DAPK1: variants seen among roughly 807,000 people sequenced by gnomAD.
DAPK1 encodes death-associated protein kinase 1.
DAPK1 carries 56 observed loss-of-function variants against 144.9 expected under a neutral mutation model. The ratio of observed to expected loss-of-function variants is 0.39; its 90% CI spans 0.31 to 0.48. The LOEUF is 0.48. DAPK1 is among the 20% of genes least tolerant of loss of function. The probability of loss-of-function intolerance (pLI) is 0.95; values close to 1 mark genes in which losing one functional copy is unlikely to be tolerated. For synonymous variants in DAPK1, 690 were observed against 749.0 expected, an observed-to-expected ratio of 0.92 and a Z score of 1.29; for missense variants, 1,454 against 1,875.4, an observed-to-expected ratio of 0.78 and a Z score of 4.15.
At chr9:87,571,290 A>G (rs3128519) in intron 2 of DAPK1, among the ~76,000 whole-genome samples, 77,788 of 151,608 alleles carry the variant, frequency 0.51, 20,435 homozygotes, top group Admixed American at 0.56. Context: ...TGGAGCAAGT[A>G]TCTGAACTGT....
chr9:87,623,967 G>T (rs1023826680), intron 3 of DAPK1, among the ~76,000 whole-genome samples: 1 of 152,056 alleles, frequency 6.6e-6, no homozygotes, highest in Non-Finnish European at 1.5e-5. Flanking sequence ...TTTATATGCC[G>T]GGTGTATTAT....
intron 2 of DAPK1, among the ~76,000 whole-genome samples, chr9:87,602,880 C>T (rs1828575555): frequency 1.3e-5 from 2 of 151,988 alleles, no homozygotes; most frequent in South Asian, 2.1e-4. Flanking sequence ...GATCCACCCA[C>T]CTCGGCCTCC....
chr9:87,654,935 A>G (rs1364688224), intron 17 of DAPK1, among the ~76,000 whole-genome samples: 1 of 152,200 alleles, frequency 6.6e-6, no homozygotes, highest in African/African-American at 2.4e-5. Flanking sequence ...AATCCACAAG[A>G]CAGTCCCAGA....
chr9:87,646,071 C>T (rs890428637), intron 12 of DAPK1, 57 bp downstream of exon 12: 98 of 1,579,512 alleles, frequency 6.2e-5, no homozygotes, highest in Admixed American at 8.8e-5. Context: ...CTTGCCCTTC[C>T]ATATCCAAGG....
chr9:87,687,497 T>A (rs1446316789), intron 21 of DAPK1, among the ~76,000 whole-genome samples: 1 of 152,234 alleles, frequency 6.6e-6, no homozygotes, highest in Non-Finnish European at 1.5e-5. Context: ...GCATAAATAG[T>A]GTTCTGTTAT....
rs1276684008 is a variant in DAPK1, at chr9:87,681,412, C to T, written c.2010C>T (p.His670=). The change falls in exon 20 of 26, where the codon CAC becomes CAT. Residue 670 remains histidine, a synonymous_variant. Coordinates refer to ENST00000408954, the MANE Select transcript of DAPK1 (RefSeq NM_004938.4). ...TTCTCATCCATGCTCAGGATACGCA[C>T]CGAGGACTCTTCATCCAGCAGCTCC... ...GLLARLRKDT[H]RGLFIQQLRP... The T allele has an allele frequency of 3.1e-6, 5 of 1,597,600 alleles. No homozygotes were observed. The highest frequency in any genetic ancestry group is 3.3e-5 in the Admixed American group (2 of 59,974).
intron 18 of DAPK1, among the ~76,000 whole-genome samples, chr9:87,663,209 A>T (rs924133625): frequency 1.7e-4 from 26 of 152,226 alleles, no homozygotes; most frequent in African/African-American, 6.3e-4. Context: ...CGTAACCCTC[A>T]GCAGAGTCCC....
At chr9:87,591,293 C>T (rs1056460937) in intron 2 of DAPK1, among the ~76,000 whole-genome samples, 1 of 152,182 alleles carries the variant, frequency 6.6e-6, no homozygotes, top group Non-Finnish European at 1.5e-5. Context: ...CCAGTTGGGG[C>T]TTAGTAAAAT....
chr9:87,503,468 T>C (rs912709865), intron 2 of DAPK1, among the ~76,000 whole-genome samples: 3 of 152,162 alleles, frequency 2.0e-5, no homozygotes, highest in Middle Eastern at 3.2e-3. Flanking sequence ...TAACCTGTTT[T>C]CTCCATCACA....
At chr9:87,516,172 G>A (rs1825046780) in intron 2 of DAPK1, among the ~76,000 whole-genome samples, 1 of 151,970 alleles carries the variant, frequency 6.6e-6, no homozygotes, top group South Asian at 2.1e-4. Context: ...CCTTCTCCTT[G>A]GTGTGGAAGC....
intron 3 of DAPK1, among the ~76,000 whole-genome samples, chr9:87,627,060 C>T (rs2119072125): frequency 6.6e-6 from 1 of 152,200 alleles, no homozygotes; most frequent in Middle Eastern, 3.4e-3. Context: ...AGAGACCAAG[C>T]CAAAGTTCAG....
At chr9:87,690,644 A>G (rs566127598) in intron 21 of DAPK1, among the ~76,000 whole-genome samples, 2 of 152,122 alleles carry the variant, frequency 1.3e-5, no homozygotes, top group South Asian at 2.1e-4. Flanking sequence ...GATGTCAGCT[A>G]TGGGTTCATC....
intron 2 of DAPK1, among the ~76,000 whole-genome samples, chr9:87,559,746 A>G (rs756126594): frequency 1.6e-4 from 24 of 152,160 alleles, no homozygotes; most frequent in Non-Finnish European, 3.4e-4. Context: ...AACTGAGACC[A>G]GTGAGCAGGC....
intron 10 of DAPK1, among the ~76,000 whole-genome samples, chr9:87,642,811 G>C (rs1268650407): frequency 6.6e-6 from 1 of 151,886 alleles, no homozygotes; most frequent in Non-Finnish European, 1.5e-5. Flanking sequence ...AATAGAGAGA[G>C]AGCAACCATT....
intron 2 of DAPK1, among the ~76,000 whole-genome samples, chr9:87,581,929 A>G (rs1347760023): frequency 6.6e-6 from 1 of 152,246 alleles, no homozygotes; most frequent in Non-Finnish European, 1.5e-5. Flanking sequence ...GTAGTAAGAC[A>G]TTTTAACTGA....
intron 14 of DAPK1, among the ~76,000 whole-genome samples, chr9:87,647,606 G>T (rs924887977): frequency 6.6e-6 from 1 of 152,184 alleles, no homozygotes; most frequent in Non-Finnish European, 1.5e-5. Context: ...AATCTTTCAG[G>T]TAGTTGCCAT....
intron 19 of DAPK1, among the ~76,000 whole-genome samples, chr9:87,677,102 G>A (rs950476513): frequency 2.6e-5 from 4 of 152,236 alleles, no homozygotes; most frequent in South Asian, 2.1e-4. Context: ...CGCCGTGCAC[G>A]TGGAAGTTAC....
chr9:87,596,700 C>A (rs980928474), intron 2 of DAPK1, among the ~76,000 whole-genome samples: 1 of 152,196 alleles, frequency 6.6e-6, no homozygotes, highest in Non-Finnish European at 1.5e-5. Context: ...TAGTCACTTT[C>A]TGTGTCGAAT....
rs370914815 is a variant in DAPK1 at position 87,647,289 on chromosome 9, G to C, written c.1231-16G>C. 8.9e-5 allele frequency: 143 copies of C among 1,610,594 alleles called. No individual in the cohort carries two copies. The highest frequency in any genetic ancestry group is 1.2e-4 in the Non-Finnish European group (140 of 1,176,962). On this transcript the variant is annotated splice_polypyrimidine_tract_variant and intron_variant, in intron 13 of 25. Coordinates refer to ENST00000408954, the MANE Select transcript of DAPK1 (RefSeq NM_004938.4). ...CAGCTCCCTAGAAATGTGACCCCAGGTTGATTTTCCTGCAGGGCGGGTCCA... is the reference window on the plus strand; with the variant it reads ...CAGCTCCCTAGAAATGTGACCCCAGCTTGATTTTCCTGCAGGGCGGGTCCA...
Sources: allele counts gnomAD v4.1 joint callset (sites outside exome capture counted in the v4.1 genomes callset), GRCh38; gene constraint gnomAD v4.1.1; transcripts MANE v1.5; gene names NCBI Gene and HGNC (gene_info 2026-07-23, HGNC 2026-07-21).